Variants in SYTL2 observed in about 807,000 individuals in gnomAD.
The protein encoded by SYTL2 is synaptotagmin like 2, also known as synaptotagmin-like protein 2.
Under a neutral mutation model 198.7 loss-of-function variants are expected in SYTL2, and 165 were observed. The observed-to-expected ratio is 0.83, with a 90% CI of 0.73 to 0.94. SYTL2 has a LOEUF of 0.94. Ranked by LOEUF, SYTL2 falls within the 40% of genes least tolerant of loss-of-function variation. The probability of loss-of-function intolerance (pLI) is 0.00; values close to 1 mark genes in which losing one functional copy is unlikely to be tolerated. For missense variants in SYTL2, 2,835 were observed against 2,582.8 expected (o/e 1.10, Z -2.12); for synonymous variants, 966 against 917.7 (o/e 1.05, Z -0.95).
intron 1 of SYTL2, among the ~76,000 whole-genome samples, 183 bp from the exon 2 acceptor site, chr11:85,758,297 C>T (rs988836730): frequency 6.6e-6 from 1 of 152,256 alleles, no homozygotes; most frequent in South Asian, 2.1e-4. Flanking sequence ...CTATTCCAGA[C>T]GGCCAAGATG....
chr11:85,816,915 CAAA>C, the SYTL2 span, among the ~76,000 whole-genome samples: 5 of 80,910 alleles, frequency 6.2e-5, no homozygotes, highest in Admixed American at 3.0e-4. Flanking sequence ...AACCCTGTCT[CAAA>C]AAAAAAAAAA....
chr11:85,726,762 A>T lies in SYTL2; in HGVS notation c.2596T>A (p.Ser866Thr). 6.5e-7 allele frequency: 1 copy of T among 1,536,166 alleles called. No homozygotes were observed. The highest frequency in any genetic ancestry group is 1.2e-5 in the South Asian group (1 of 84,058). The change falls in exon 8 of 20, where the codon TCC (serine) becomes ACC (threonine). Residue 866 changes from serine (S) to threonine (T), a missense_variant. Transcript: ENST00000359152. ...RVVLDEDDQA[S>T]QLSNSYSSNK... ...GAGGAATAAGAATTGGAGAGCTGGG[A>T]TGCTTGATCATCCTCATCTAAGACC...
intron 3 of SYTL2, among the ~76,000 whole-genome samples, chr11:85,746,655 T>A (rs1391595644): frequency 6.6e-6 from 1 of 151,996 alleles, no homozygotes; most frequent in Non-Finnish European, 1.5e-5. Context: ...CAGGAGAGTA[T>A]CCCCCCACAG....
chr11:85,745,521 C>T (rs746482698), intron 4 of SYTL2, 116 bp downstream of exon 4: 8 of 1,173,212 alleles, frequency 6.8e-6, no homozygotes, highest in Admixed American at 2.1e-5. Context: ...ACTGCCCCTT[C>T]CCCATGCCCA....
chr11:85,784,390 A>T (rs2092605853), intron 1 of SYTL2, among the ~76,000 whole-genome samples: 1 of 152,192 alleles, frequency 6.6e-6, no homozygotes, highest in African/African-American at 2.4e-5. Flanking sequence ...AATTATGGTA[A>T]ACCTCATTAA....
At chr11:85,799,235 G>T (rs921151189) in intron 1 of SYTL2, among the ~76,000 whole-genome samples, 3 of 152,184 alleles carry the variant, frequency 2.0e-5, no homozygotes, top group East Asian at 3.8e-4. Context: ...TAAGGAAATA[G>T]TAAGTCCCTT....
intron 10 of SYTL2, chr11:85,717,868 G>A: frequency 3.0e-6 from 1 of 335,768 alleles, no homozygotes; most frequent in South Asian, 2.6e-5. Context: ...CTAACTATAG[G>A]ATCTTAGAAA....
chr11:85,722,033 A>G (rs1488460209), intron 8 of SYTL2, among the ~76,000 whole-genome samples: 1 of 151,452 alleles, frequency 6.6e-6, no homozygotes, highest in African/African-American at 2.4e-5. Flanking sequence ...TTTTCACCCC[A>G]CCCCCACTGC....
intron 1 of SYTL2, among the ~76,000 whole-genome samples, chr11:85,795,584 T>A (rs981326556): frequency 3.3e-5 from 5 of 151,650 alleles, no homozygotes; most frequent in African/African-American, 9.7e-5. Context: ...CTGCTTATGT[T>A]AAAAAAAGAA....
At chr11:85,776,711 C>G (rs150372880) in intron 1 of SYTL2, among the ~76,000 whole-genome samples, 49 of 152,290 alleles carry the variant, frequency 3.2e-4, no homozygotes, top group African/African-American at 1.2e-3. Context: ...AATAAACATG[C>G]GTGTGCATGT....
chr11:85,702,820 A>G (rs2084550934), intron 16 of SYTL2, among the ~76,000 whole-genome samples: 1 of 152,218 alleles, frequency 6.6e-6, no homozygotes, highest in South Asian at 2.1e-4. Context: ...CTAAGATTTT[A>G]AAAAATAGAT....
chr11:85,810,416 A>G (rs774896765), intron 1 of SYTL2, among the ~76,000 whole-genome samples: 4 of 152,120 alleles, frequency 2.6e-5, no homozygotes, highest in Non-Finnish European at 5.9e-5. Flanking sequence ...TTCCACTTCA[A>G]AGGATGATAA....
intron 1 of SYTL2, among the ~76,000 whole-genome samples, chr11:85,779,237 T>G (rs2092514517): frequency 6.6e-6 from 1 of 152,138 alleles, no homozygotes; most frequent in Non-Finnish European, 1.5e-5. Context: ...AAGGCATCCC[T>G]TTGCCATAGA....
At chr11:85,831,553 T>C in the SYTL2 span, among the ~76,000 whole-genome samples, 1 of 152,210 alleles carries the variant, frequency 6.6e-6, no homozygotes, top group Admixed American at 6.5e-5. Context: ...ATTCACATAG[T>C]TCATTATACA....
chr11:85,796,962 G>A (rs1022331637), intron 1 of SYTL2, among the ~76,000 whole-genome samples: 4 of 152,218 alleles, frequency 2.6e-5, no homozygotes, highest in African/African-American at 9.6e-5. Context: ...GCCAAGGCTG[G>A]AGGATCGCTT....
chr11:85,722,017 C>A (rs1450934503), intron 8 of SYTL2, among the ~76,000 whole-genome samples: 1 of 151,984 alleles, frequency 6.6e-6, no homozygotes, highest in African/African-American at 2.4e-5. Flanking sequence ...GTAGGTTTCT[C>A]TTCATTTTTC....
At chr11:85,760,623 G>T (rs929071200) in intron 1 of SYTL2, among the ~76,000 whole-genome samples, 8 of 152,104 alleles carry the variant, frequency 5.3e-5, no homozygotes, top group African/African-American at 1.9e-4. Context: ...TGGTTGGTTC[G>T]ATGTGAGACT....
intron 1 of SYTL2, among the ~76,000 whole-genome samples, chr11:85,774,221 T>C (rs1357643092): frequency 6.6e-6 from 1 of 152,220 alleles, no homozygotes; most frequent in Non-Finnish European, 1.5e-5. Flanking sequence ...GGAACTGACA[T>C]TTAATCTTTC....
At chr11:85,833,098 A>AGAAAGAAAGAAAGAAGGAAG in the SYTL2 span, among the ~76,000 whole-genome samples, 2 of 32,472 alleles carry the variant, frequency 6.2e-5, no homozygotes, top group East Asian at 8.0e-4. Flanking sequence ...AAAGAAAGAA[A>AGAAAGAAAGAAAGAAGGAAG]GAAGGAAGGA....
Sources: allele counts gnomAD v4.1 joint callset (sites outside exome capture counted in the v4.1 genomes callset), GRCh38; gene constraint gnomAD v4.1.1; transcripts MANE v1.5; gene names NCBI Gene and HGNC (gene_info 2026-07-23, HGNC 2026-07-21).